RARB: variants seen among roughly 807,000 people sequenced by gnomAD.
RARB encodes the protein retinoic acid receptor beta, also known as HBV-activated protein.
In RARB, 17 loss-of-function variants were observed where a neutral mutation model predicts 51.9. That is an observed-to-expected ratio of 0.33 (90% CI 0.22 to 0.49). RARB has a LOEUF of 0.49. RARB is among the 20% of genes least tolerant of loss of function. The pLI, the probability that RARB is intolerant of heterozygous loss-of-function variation, is 0.99. For synonymous variants in RARB, 215 were observed against 195.4 expected, an observed-to-expected ratio of 1.10 and a Z score of -0.84; for missense variants, 369 against 550.8, an observed-to-expected ratio of 0.67 and a Z score of 3.30.
intron 5 of RARB, among the ~76,000 whole-genome samples, chr3:25,317,305 G>A (rs1356222012): frequency 6.6e-6 from 1 of 151,966 alleles, no homozygotes; most frequent in Non-Finnish European, 1.5e-5. Flanking sequence ...AAGGAAGGGA[G>A]GAAGGAAGCG....
intron 5 of RARB, among the ~76,000 whole-genome samples, chr3:25,419,364 C>T (rs1707796133): frequency 6.6e-6 from 1 of 152,086 alleles, no homozygotes; most frequent in Admixed American, 6.6e-5. Context: ...CCTATCACTA[C>T]CAAGAGTGAG....
At chr3:25,230,031 A>G (rs753256378) in intron 5 of RARB, among the ~76,000 whole-genome samples, 7 of 152,154 alleles carry the variant, frequency 4.6e-5, no homozygotes, top group Non-Finnish European at 8.8e-5. Flanking sequence ...ATGCCTAGTG[A>G]CAGCAAAGAA....
chr3:25,065,476 G>GT (rs1345553318), intron 3 of RARB, among the ~76,000 whole-genome samples: 1 of 152,146 alleles, frequency 6.6e-6, no homozygotes, highest in Non-Finnish European at 1.5e-5. Context: ...AGTTCTGATA[G>GT]TGTTATACTG....
intron 3 of RARB, among the ~76,000 whole-genome samples, chr3:25,549,934 T>A (rs554117290): frequency 6.6e-6 from 1 of 152,246 alleles, no homozygotes; most frequent in African/African-American, 2.4e-5. Context: ...TTTTGTGATC[T>A]CACCATATCT....
intron 2 of RARB, among the ~76,000 whole-genome samples, chr3:24,925,256 CACAT>C (rs1695292105): frequency 6.6e-6 from 1 of 152,034 alleles, no homozygotes; most frequent in African/African-American, 2.4e-5. Context: ...TACTAGTTAT[CACAT>C]ACAAATCCAG....
At chr3:25,086,299 T>A (rs1275312850) in intron 3 of RARB, among the ~76,000 whole-genome samples, 6 of 152,180 alleles carry the variant, frequency 3.9e-5, no homozygotes, top group Admixed American at 1.3e-4. Context: ...AAAGCGATAG[T>A]GGGCAAAGTA....
At chr3:25,522,685 A>G (rs569604433) in intron 3 of RARB, among the ~76,000 whole-genome samples, 6 of 152,258 alleles carry the variant, frequency 3.9e-5, no homozygotes, top group African/African-American at 1.4e-4. Flanking sequence ...CCCAGACTCA[A>G]TTAAGGCACA....
At chr3:25,493,405 G>A (rs1288810104) in intron 2 of RARB, among the ~76,000 whole-genome samples, 1 of 152,164 alleles carries the variant, frequency 6.6e-6, no homozygotes, top group Non-Finnish European at 1.5e-5. Context: ...CAGAGTAGCT[G>A]TGATGGGATT....
intron 2 of RARB, among the ~76,000 whole-genome samples, chr3:25,018,431 T>G (rs1407023413): frequency 6.6e-6 from 1 of 152,150 alleles, no homozygotes; most frequent in African/African-American, 2.4e-5. Flanking sequence ...AGAAGAAAGG[T>G]AAATTAGGAT....
chr3:25,475,879 G>A (rs1299133507), intron 2 of RARB, among the ~76,000 whole-genome samples: 1 of 152,176 alleles, frequency 6.6e-6, no homozygotes, highest in African/African-American at 2.4e-5. Context: ...GTTATGGTAA[G>A]GCCAGGTTAT....
intron 1 of RARB, among the ~76,000 whole-genome samples, chr3:24,840,500 C>G (rs1702406773): frequency 1.3e-5 from 2 of 152,056 alleles, no homozygotes; most frequent in African/African-American, 4.8e-5. Context: ...GCCTAAGGAC[C>G]TGATGCAAGT....
At chr3:24,890,492 T>G (rs1575056450) in intron 2 of RARB, among the ~76,000 whole-genome samples, 1 of 152,044 alleles carries the variant, frequency 6.6e-6, no homozygotes, top group Admixed American at 6.5e-5. Flanking sequence ...TTCATACCTG[T>G]AATCCTAACA....
chr3:25,333,002 A>G (rs1704950546), intron 5 of RARB, among the ~76,000 whole-genome samples: 1 of 152,206 alleles, frequency 6.6e-6, no homozygotes, highest in Non-Finnish European at 1.5e-5. Context: ...GAGAACTACA[A>G]ACCACTGCTC....
In RARB at chr3:25,118,854, G is replaced by A. The variant is rs187096126; in HGVS notation, c.-327-13307G>A. Among the ~76,000 whole-genome samples the A allele has an allele frequency of 1.1e-3, 162 of 152,054 alleles. 1 individual carries two copies. Among genetic ancestry groups the A allele is most frequent in the African/African-American group, 3.3e-3 (138 of 41,484 alleles). On this transcript the variant is annotated intron_variant, in intron 3 of 11. Coordinates refer to the RARB transcript ENST00000383772. Reference sequence around the variant, plus strand: ...GGGAATGGAGGTCCCAGAGTTTCCCGTTTTAAGGTATAACTTTAATTTTTA... The same window carrying A: ...GGGAATGGAGGTCCCAGAGTTTCCCATTTTAAGGTATAACTTTAATTTTTA...
chr3:25,399,402 T>C (rs911328098), intron 5 of RARB, among the ~76,000 whole-genome samples: 5 of 152,148 alleles, frequency 3.3e-5, no homozygotes, highest in Non-Finnish European at 5.9e-5. Context: ...ACCACCTAGA[T>C]GTAAAGACAG....
At chr3:25,562,499 C>T (rs139599678) in intron 3 of RARB, among the ~76,000 whole-genome samples, 40 of 152,268 alleles carry the variant, frequency 2.6e-4, no homozygotes, top group Admixed American at 1.4e-3. Context: ...TGAGAATAGC[C>T]CATTGCTGCC....
intron 2 of RARB, among the ~76,000 whole-genome samples, chr3:24,966,484 G>A (rs1696275439): frequency 6.6e-6 from 1 of 152,114 alleles, no homozygotes; most frequent in Admixed American, 6.6e-5. Context: ...TTTCCCTGGT[G>A]ATATTTTATG....
At chr3:25,297,058 C>T (rs75751556) in intron 5 of RARB, among the ~76,000 whole-genome samples, 8,587 of 152,160 alleles carry the variant, frequency 0.056, 396 homozygotes, top group South Asian at 0.22. Flanking sequence ...GGCTAAAGAC[C>T]GAAGTCTTTT....
intron 1 of RARB, among the ~76,000 whole-genome samples, chr3:25,451,667 G>A (rs1709201036): frequency 6.6e-6 from 1 of 152,204 alleles, no homozygotes; most frequent in Non-Finnish European, 1.5e-5. Flanking sequence ...GGCAAGGTAT[G>A]TGACAAAGCA....
Sources: allele counts gnomAD v4.1 joint callset (sites outside exome capture counted in the v4.1 genomes callset), GRCh38; gene constraint gnomAD v4.1.1; transcripts MANE v1.5; gene names NCBI Gene and HGNC (gene_info 2026-07-23, HGNC 2026-07-21).